The following TRAK2 variants were observed in gnomAD, a reference collection of about 807,000 sequenced individuals.
TRAK2 encodes trafficking kinesin-binding protein 2.
TRAK2 carries 81 observed loss-of-function variants against 104.6 expected under a neutral mutation model. That is an observed-to-expected ratio of 0.77 (90% CI 0.65 to 0.93). The LOEUF (loss-of-function observed/expected upper bound fraction) is 0.93. TRAK2 is among the 40% of genes least tolerant of loss of function. TRAK2 has a pLI of 0.00. For missense variants in TRAK2, 1,002 were observed against 1,089.0 expected (o/e 0.92, Z 1.12); for synonymous variants, 406 against 394.4 (o/e 1.03, Z -0.35).
intron 1 of TRAK2, among the ~76,000 whole-genome samples, chr2:201,449,123 T>C (rs1306265895): frequency 6.6e-6 from 1 of 151,330 alleles, no homozygotes; most frequent in Admixed American, 6.6e-5. Context: ...AGCAGTTCAG[T>C]AAGAAATGGG....
intron 1 of TRAK2, among the ~76,000 whole-genome samples, chr2:201,430,442 G>A (rs1406061271): frequency 6.6e-6 from 1 of 152,244 alleles, no homozygotes; most frequent in East Asian, 1.9e-4. Context: ...GTCTACAGAG[G>A]CAGGCAGGCC....
chr2:201,415,369 A>G (rs1951682757), intron 2 of TRAK2, among the ~76,000 whole-genome samples: 1 of 152,236 alleles, frequency 6.6e-6, no homozygotes, highest in South Asian at 2.1e-4. Context: ...TGCAAAAATA[A>G]ACAAAATGTA....
At chr2:201,414,113 T>C (rs1951671939) in intron 2 of TRAK2, among the ~76,000 whole-genome samples, 1 of 152,090 alleles carries the variant, frequency 6.6e-6, no homozygotes. Flanking sequence ...AGATCACAGG[T>C]ACTCACTGAA....
Position 201,380,619 on chromosome 2 carries a change from A to C in TRAK2, c.2669T>G (p.Leu890Arg). ...LLGGLRRNQS[L>R]PVIMGSFAAP... Reference sequence around the variant, plus strand: ...AGCAAAGCTACCCATTATGACTGGAAGACTCTGATTCCTCCTTAGTCCACC... The same window carrying C: ...AGCAAAGCTACCCATTATGACTGGACGACTCTGATTCCTCCTTAGTCCACC... The change falls in exon 16 of 16, where the codon CTT (leucine) becomes CGT (arginine). Residue 890 changes from leucine (L) to arginine (R), a missense_variant. Physicochemically the swap from Leu to Arg is moderately radical, Grantham distance 102 (BLOSUM62 -2). Coordinates refer to ENST00000332624, the MANE Select transcript of TRAK2 (RefSeq NM_015049.3). 1.2e-6 allele frequency: 2 copies of C among 1,614,040 alleles called. No individual in the cohort carries two copies. The highest frequency in any genetic ancestry group is 2.2e-5 in the South Asian group (2 of 91,090).
chr2:201,387,533 C>T (rs867003357), intron 13 of TRAK2, among the ~76,000 whole-genome samples, 170 bp downstream of exon 13: 4 of 152,166 alleles, frequency 2.6e-5, no homozygotes, highest in South Asian at 2.1e-4. Flanking sequence ...TCTCTTCATT[C>T]ATTAATTTTC....
At chr2:201,385,493 T>C (rs1430706370) in intron 14 of TRAK2, among the ~76,000 whole-genome samples, 2 of 152,160 alleles carry the variant, frequency 1.3e-5, no homozygotes, top group African/African-American at 2.4e-5. Context: ...TGCATTTTAA[T>C]GTTAACAAAG....
At chr2:201,412,040 A>G (rs1951651669) in intron 2 of TRAK2, 6 of 1,076,496 alleles carry the variant, frequency 5.6e-6, no homozygotes, top group Admixed American at 3.4e-5. Context: ...TTGTAGGAAA[A>G]TTAACAAAAT....
At chr2:201,389,555 T>C in intron 11 of TRAK2, 52 bp from the exon 12 acceptor site, 1 of 1,505,508 alleles carries the variant, frequency 6.6e-7, no homozygotes, top group Non-Finnish European at 9.1e-7. Flanking sequence ...CTAAAGCATC[T>C]AGAGAAGAGA....
intron 2 of TRAK2, 69 bp downstream of exon 2, chr2:201,420,348 G>A (rs1310381194): frequency 1.5e-6 from 2 of 1,311,752 alleles, no homozygotes; most frequent in Non-Finnish European, 2.2e-6. Context: ...GGTCATATAT[G>A]CTGGACTGAG....
intron 1 of TRAK2, among the ~76,000 whole-genome samples, chr2:201,421,963 C>T (rs1451317830): frequency 8.7e-5 from 13 of 149,828 alleles, no homozygotes; most frequent in East Asian, 5.9e-4. Context: ...GCAGGAGAAT[C>T]GCTTGAGCCT....
At chr2:201,397,741 G>T in intron 6 of TRAK2, 161 bp from the exon 7 acceptor site, 1 of 576,072 alleles carries the variant, frequency 1.7e-6, no homozygotes, top group Non-Finnish European at 3.1e-6. Context: ...CCCTGGCCTT[G>T]GCTAAAATGA....
chr2:201,427,485 C>A (rs527739933), intron 1 of TRAK2, among the ~76,000 whole-genome samples: 1 of 152,060 alleles, frequency 6.6e-6, no homozygotes, highest in South Asian at 2.1e-4. Flanking sequence ...TCCATGTCCC[C>A]ACAAAGGACA....
intron 9 of TRAK2, among the ~76,000 whole-genome samples, chr2:201,394,261 G>A (rs1191053141): frequency 2.0e-5 from 3 of 152,008 alleles, no homozygotes; most frequent in Non-Finnish European, 4.4e-5. Context: ...TTATAAAGTT[G>A]AGGTTTTCCC....
intron 2 of TRAK2, among the ~76,000 whole-genome samples, chr2:201,408,685 T>A (rs1229633262): frequency 1.3e-5 from 2 of 152,214 alleles, no homozygotes; most frequent in Admixed American, 6.5e-5. Flanking sequence ...ATATACTTTT[T>A]AAAAATAAAG....
In TRAK2 at chr2:201,447,318, T is replaced by G. The variant is rs1951972163; in HGVS notation, c.-200+4032A>C. Among the ~76,000 whole-genome samples, 1 of 152,216 alleles carries G rather than the reference T, an allele frequency of 6.6e-6. No homozygotes were observed. Among genetic ancestry groups the G allele is most frequent in the South Asian group, 2.1e-4 (1 of 4,834 alleles). On this transcript the variant is annotated intron_variant, in intron 1 of 15. Transcript: ENST00000332624. This position sits in a 1 kb window ranked among gnomAD's most constrained non-coding sequence, Gnocchi z 4.1. ...AAAACCTCAATCACCTAACCACAGCTTAAAGGCTTTTTGTATGTCAACTTC... is the reference window on the plus strand; with the variant it reads ...AAAACCTCAATCACCTAACCACAGCGTAAAGGCTTTTTGTATGTCAACTTC...
At chr2:201,446,986 G>A (rs1369579442) in intron 1 of TRAK2, among the ~76,000 whole-genome samples, 1 of 152,168 alleles carries the variant, frequency 6.6e-6, no homozygotes, top group Non-Finnish European at 1.5e-5. Context: ...CCTTTATAAT[G>A]TTATATTAAC....
intron 1 of TRAK2, among the ~76,000 whole-genome samples, chr2:201,426,885 T>G (rs115424346): frequency 6.6e-6 from 1 of 152,326 alleles, no homozygotes; most frequent in Non-Finnish European, 1.5e-5. Context: ...TTTGGAGTAG[T>G]GGTACTGAAC....
chr2:201,387,402 A>G (rs758061547), intron 13 of TRAK2, among the ~76,000 whole-genome samples: 15 of 152,310 alleles, frequency 9.8e-5, no homozygotes, highest in Middle Eastern at 6.8e-3. Context: ...CTAACCATGG[A>G]AACTGCTGTC....
chr2:201,389,465 GC>G lies in TRAK2; in HGVS notation c.1231del (p.Ala411ProfsTer27). 1 of 1,614,076 alleles carries G rather than the reference GC, an allele frequency of 6.2e-7. No individual in the cohort carries two copies. The highest frequency in any genetic ancestry group is 8.5e-7 in the Non-Finnish European group (1 of 1,180,024). On this transcript the variant is annotated frameshift_variant, in exon 12 of 16. Coordinates refer to ENST00000332624, the MANE Select transcript of TRAK2 (RefSeq NM_015049.3). LOFTEE classifies it high-confidence loss of function. ...GATAGAGCGGCCCCGTGTGTCATTGGCAATCCTGACGGTATCAAATACCCGC... is the reference window on the plus strand; with the variant it reads ...GATAGAGCGGCCCCGTGTGTCATTGGAATCCTGACGGTATCAAATACCCGC... ...QKRVFDTVRI[A>X]NDTRGRSISF...
Sources: gnomAD v4.1 joint callset for allele counts (sites outside exome capture counted in the v4.1 genomes callset) on GRCh38, gnomAD v4.1.1 for gene constraint, Gnocchi (gnomAD v3.1) non-coding constraint, MANE v1.5 for transcripts, NCBI Gene and HGNC (gene_info 2026-07-23, HGNC 2026-07-21) for gene names.